SCARA3: variants seen among roughly 807,000 people sequenced by gnomAD.
The protein encoded by SCARA3 is scavenger receptor class A member 3, also known as cellular stress response gene protein.
SCARA3 carries 39 observed loss-of-function variants against 47.0 expected under a neutral mutation model. The observed-to-expected ratio is 0.83, with a 90% CI of 0.64 to 1.08. The LOEUF is 1.08. Among genes scored for constraint, SCARA3 ranks in the 50% least tolerant of loss-of-function variants. SCARA3 has a pLI of 0.00. For synonymous variants in SCARA3, 356 were observed against 334.1 expected (o/e 1.07, Z -0.71); for missense variants, 724 against 792.3 (o/e 0.91, Z 1.04).
At chr8:27,714,193 C>CT in the SCARA3 span, among the ~76,000 whole-genome samples, 1,321 of 114,114 alleles carry the variant, frequency 0.012, 21 homozygotes, top group Non-Finnish European at 0.014. Flanking sequence ...TCAGGTATTC[C>CT]TTTTTTTTTT....
At position 27,671,283 on chromosome 8, in the gene SCARA3, C is replaced by A. The variant is rs1437522075; in HGVS notation, c.1753C>A (p.Pro585Thr). 2.1e-6 allele frequency: 3 copies of A among 1,443,582 alleles called. No individual in the cohort carries two copies. The highest frequency in any genetic ancestry group is 2.7e-6 in the Non-Finnish European group (3 of 1,098,652). The allele number at this position is 1,443,582 out of a possible 1,614,324, so 89.4% of individuals were successfully genotyped here. Residue 585 changes from proline (P) to threonine (T), a missense_variant, in exon 6 of 6, where the codon CCA (proline) becomes ACA (threonine). By Grantham distance (38) the Pro-to-Thr change is conservative. Transcript: ENST00000301904. ...QRGAMGPKGE[P>T]GIQGPPGLPG... ...GGGGGCCATGGGGCCTAAGGGTGAA[C>A]CAGGGATCCAGGGTCCCCCTGGTCT...
the SCARA3 span, among the ~76,000 whole-genome samples, chr8:27,700,915 G>C: frequency 6.6e-6 from 1 of 152,142 alleles, no homozygotes; most frequent in Non-Finnish European, 1.5e-5. Flanking sequence ...CTATGATCCA[G>C]CAATTTCACT....
At chr8:27,653,340 TG>T (rs1801673327) in intron 3 of SCARA3, among the ~76,000 whole-genome samples, 1 of 152,158 alleles carries the variant, frequency 6.6e-6, no homozygotes. Context: ...GGTACAGACC[TG>T]GGAAGGGGAC....
At chr8:27,730,483 C>T in the SCARA3 span, among the ~76,000 whole-genome samples, 1 of 107,168 alleles carries the variant, frequency 9.3e-6, no homozygotes, top group Non-Finnish European at 1.9e-5. Flanking sequence ...GAGCTTCTGC[C>T]TTTGATTTTT....
chr8:27,721,903 G>A, the SCARA3 span, among the ~76,000 whole-genome samples: 8 of 152,090 alleles, frequency 5.3e-5, no homozygotes, highest in Non-Finnish European at 7.4e-5. Flanking sequence ...GCAATGTAGC[G>A]AGATGCCGTC....
chr8:27,671,020 C>T lies in SCARA3; in HGVS notation c.1490C>T (p.Pro497Leu), dbSNP rs1802137804. Reference protein sequence around the residue: ...GSLGPLGPQGPQGQPGEAGPV... With the variant: ...GSLGPLGPQGLQGQPGEAGPV... ...TTGGGCCCCCTGGGACCCCAGGGTCCTCAGGGGCAACCTGGAGAGGCCGGG... is the reference window on the plus strand; with the variant it reads ...TTGGGCCCCCTGGGACCCCAGGGTCTTCAGGGGCAACCTGGAGAGGCCGGG... The change falls in exon 6 of 6, where the codon CCT (proline) becomes CTT (leucine). Residue 497 changes from proline (P) to leucine (L), a missense_variant. Coordinates refer to ENST00000301904, the MANE Select transcript of SCARA3 (RefSeq NM_016240.3). 6.2e-7 allele frequency: 1 copy of T among 1,611,934 alleles called. No homozygotes were observed. The highest frequency in any genetic ancestry group is 8.5e-7 in the Non-Finnish European group (1 of 1,179,528).
rs577009651 is a variant in SCARA3 at position 27,672,731 on chromosome 8, G to A, written c.*1380G>A. ...CGCTGGGAAATCACCCCACAGGGTG[G>A]AGGTCTCCTGTTGGCTACACTCTAA... On this transcript the variant is annotated 3_prime_UTR_variant, in exon 6 of 6. Transcript: ENST00000301904. The A allele has an allele frequency of 7.5e-4, 741 of 985,564 alleles. 1 individual carries two copies. Among genetic ancestry groups the A allele is most frequent in the Middle Eastern group, 2.6e-3 (5 of 1,914 alleles). The allele number at this position is 985,564 out of a possible 1,614,324, so 61.1% of individuals were successfully genotyped here. A position where few individuals can be genotyped will look rare whatever the true frequency, so the allele number is the denominator to read the frequency against.
chr8:27,728,002 G>A, the SCARA3 span, among the ~76,000 whole-genome samples: 3 of 152,206 alleles, frequency 2.0e-5, no homozygotes, highest in Admixed American at 6.5e-5. Context: ...TGGGCCGGGG[G>A]TGGACAGATC....
rs1453726422 is a variant in SCARA3, at chr8:27,658,999, A to G, written c.829A>G (p.Lys277Glu). The change falls in exon 5 of 6, where the codon AAG becomes GAG. Residue 277 changes from lysine (K) to glutamate (E), a missense_variant. Coordinates refer to ENST00000301904, the MANE Select transcript of SCARA3 (RefSeq NM_016240.3). ...CTCCACCAAGACTGGAGAGGCGGTC[A>G]AGAACATCCAGGCCACCCTGGGGGC... Reference protein sequence around the residue: ...TTSTKTGEAVKNIQATLGASS... With the variant: ...TTSTKTGEAVENIQATLGASS... 2 of 1,614,056 alleles carry G rather than the reference A, an allele frequency of 1.2e-6. No homozygotes were observed. The highest frequency in any genetic ancestry group is 1.7e-5 in the Admixed American group (1 of 60,016).
chr8:27,699,745 A>G, the SCARA3 span, among the ~76,000 whole-genome samples: 2 of 152,154 alleles, frequency 1.3e-5, no homozygotes, highest in Non-Finnish European at 2.9e-5. Flanking sequence ...CCTAGACAAT[A>G]TAGTGAGACC....
the SCARA3 span, among the ~76,000 whole-genome samples, chr8:27,687,119 A>T: frequency 3.0e-4 from 46 of 152,216 alleles, no homozygotes; most frequent in Non-Finnish European, 5.0e-4. Context: ...GATTGCAGGA[A>T]CAGGCTTTTT....
chr8:27,700,228 C>T, the SCARA3 span, among the ~76,000 whole-genome samples: 2 of 151,986 alleles, frequency 1.3e-5, no homozygotes, highest in South Asian at 4.2e-4. Context: ...GAAAAAAAAT[C>T]CCAGAATAAG....
chr8:27,730,396 T>A, the SCARA3 span, among the ~76,000 whole-genome samples: 1 of 151,968 alleles, frequency 6.6e-6, no homozygotes, highest in African/African-American at 2.4e-5. Flanking sequence ...CCCCTCCCCC[T>A]TCCCTGTAGC....
chr8:27,729,375 C>T, the SCARA3 span, among the ~76,000 whole-genome samples: 1,866 of 152,340 alleles, frequency 0.012, 18 homozygotes, highest in Non-Finnish European at 0.02. Context: ...CCTCACCCTC[C>T]CACAGGTGTT....
chr8:27,646,966 G>GCCCCCCCCCCCCCCACCCC (rs869278331), intron 1 of SCARA3, among the ~76,000 whole-genome samples: 1 of 29,844 alleles, frequency 3.4e-5, no homozygotes, highest in Non-Finnish European at 5.9e-5. Context: ...ACCCCTGACC[G>GCCCCCCCCCCCCCCACCCC]CCCCCGCCCC....
Position 27,672,072 on chromosome 8 carries a change from A to G in SCARA3, c.*721A>G. The G allele has an allele frequency of 1.0e-6, 1 of 985,436 alleles. No individual in the cohort carries two copies. Among genetic ancestry groups the G allele is most frequent in the South Asian group, 4.7e-5 (1 of 21,292 alleles). The allele number at this position is 985,436 out of a possible 1,614,324, so 61.0% of individuals were successfully genotyped here. ...GCGTTACTGCCAAAACTCCAGAGGC[A>G]AAGTGGACCTGGCAACCACAAGACC... On this transcript the variant is annotated 3_prime_UTR_variant, in exon 6 of 6. Coordinates refer to ENST00000301904, the MANE Select transcript of SCARA3 (RefSeq NM_016240.3).
chr8:27,691,920 C>G, the SCARA3 span, among the ~76,000 whole-genome samples: 1 of 152,140 alleles, frequency 6.6e-6, no homozygotes, highest in Non-Finnish European at 1.5e-5. Flanking sequence ...GTCTACTTCC[C>G]TATGTATCTC....
the SCARA3 span, among the ~76,000 whole-genome samples, chr8:27,709,692 G>A: frequency 1.3e-5 from 2 of 152,198 alleles, no homozygotes; most frequent in East Asian, 1.9e-4. Context: ...GACATGGGAT[G>A]CTGGCCAGGG....
the SCARA3 span, among the ~76,000 whole-genome samples, chr8:27,699,463 A>G: frequency 2.0e-5 from 3 of 151,946 alleles, no homozygotes; most frequent in African/African-American, 7.2e-5. Flanking sequence ...CCTCAGCTTC[A>G]TGAGTTGTTG....
Sources: gnomAD v4.1 joint callset for allele counts (sites outside exome capture counted in the v4.1 genomes callset) on GRCh38, gnomAD v4.1.1 for gene constraint, MANE v1.5 for transcripts, NCBI Gene and HGNC (gene_info 2026-07-23, HGNC 2026-07-21) for gene names.